Variants in FREM2 observed in about 807,000 individuals in gnomAD.
FREM2 encodes FRAS1-related extracellular matrix protein 2.
Under a neutral mutation model 219.9 loss-of-function variants are expected in FREM2, and 119 were observed. The observed-to-expected ratio is 0.54, with a 90% CI of 0.47 to 0.63. The LOEUF (loss-of-function observed/expected upper bound fraction) is 0.63. FREM2 is among the 30% of genes least tolerant of loss of function. The pLI, the probability that FREM2 is intolerant of heterozygous loss-of-function variation, is 0.00. For missense variants in FREM2, 4,030 were observed against 3,993.6 expected (o/e 1.01, Z -0.25); for synonymous variants, 1,562 against 1,522.8 (o/e 1.03, Z -0.60).
At position 38,848,618 on chromosome 13, in the gene FREM2, C is replaced by A. The variant is rs528612488; in HGVS notation, c.6327C>A (p.Ala2109=). The change falls in exon 8 of 24, where the codon GCC becomes GCA. Residue 2109 remains alanine, a synonymous_variant. Transcript: ENST00000280481. ...ELVLRMPMNA[A]LGEPSKATVS... is the part of the protein sequence containing the mutation. ...TGCTTCGCATGCCTATGAACGCAGC[C>A]CTTGGCGAGCCCAGCAAAGCCACAG... The A allele has an allele frequency of 1.2e-6, 2 of 1,613,988 alleles. No individual in the cohort carries two copies. The highest frequency in any genetic ancestry group is 1.7e-5 in the Admixed American group (1 of 60,002).
chr13:38,757,528 C>G (rs1410435568), intron 2 of FREM2, among the ~76,000 whole-genome samples: 1 of 152,040 alleles, frequency 6.6e-6, no homozygotes, highest in Non-Finnish European at 1.5e-5. Context: ...AGTGGAAACC[C>G]ATGTGTGTCG....
chr13:38,852,621 A>T (rs1353560913), intron 11 of FREM2, among the ~76,000 whole-genome samples: 2 of 152,128 alleles, frequency 1.3e-5, no homozygotes, highest in African/African-American at 4.8e-5. Context: ...AACCACAGAG[A>T]CAATGAATTC....
intron 6 of FREM2, among the ~76,000 whole-genome samples, chr13:38,840,738 A>T (rs1387232157): frequency 6.6e-6 from 1 of 151,548 alleles, no homozygotes; most frequent in Non-Finnish European, 1.5e-5. Flanking sequence ...ATATACACAC[A>T]CACACACATA....
chr13:38,733,304 G>A (rs945964080), intron 2 of FREM2, among the ~76,000 whole-genome samples: 4 of 79,216 alleles, frequency 5.0e-5, no homozygotes, highest in Non-Finnish European at 1.0e-4. Flanking sequence ...TGTTGACTTC[G>A]GAGCCAGTGG....
intron 2 of FREM2, among the ~76,000 whole-genome samples, chr13:38,746,031 A>T (rs1200729905): frequency 6.6e-6 from 1 of 152,132 alleles, no homozygotes; most frequent in Non-Finnish European, 1.5e-5. Context: ...GTATTATATA[A>T]ATTAGGGAAT....
intron 2 of FREM2, among the ~76,000 whole-genome samples, chr13:38,751,896 G>GTGTGTGTGTT (rs1555265076): frequency 5.0e-5 from 5 of 100,150 alleles, no homozygotes; most frequent in African/African-American, 9.3e-5. Context: ...GTGTGTGTGT[G>GTGTGTGTGTT]TTTTCCTTTT....
At chr13:38,856,914 C>CT (rs909619309) in intron 12 of FREM2, among the ~76,000 whole-genome samples, 30 of 151,866 alleles carry the variant, frequency 2.0e-4, no homozygotes, top group Middle Eastern at 6.8e-3. Flanking sequence ...TACTGTATTA[C>CT]TTTTTTTTAT....
chr13:38,850,931 A>G lies in FREM2; in HGVS notation c.6578-13A>G, dbSNP rs1414264907. On this transcript the variant is annotated splice_polypyrimidine_tract_variant and intron_variant, in intron 9 of 23. Transcript: ENST00000280481. ...TATGGGATGTGATTGACCTGCTGACATTATTGTTCCAGGTGAGACAGAAAA... is the reference window on the plus strand; with the variant it reads ...TATGGGATGTGATTGACCTGCTGACGTTATTGTTCCAGGTGAGACAGAAAA... 6 of 1,610,170 alleles carry G rather than the reference A, an allele frequency of 3.7e-6. No individual in the cohort carries two copies. Among genetic ancestry groups the G allele is most frequent in the African/African-American group, 1.3e-5 (1 of 74,870 alleles).
Position 38,764,305 on chromosome 13 carries a change from T to A in FREM2, c.5265T>A (p.Gly1755=). The A allele has an allele frequency of 6.2e-7, 1 of 1,610,218 alleles. No individual in the cohort carries two copies. The highest frequency in any genetic ancestry group is 8.5e-7 in the Non-Finnish European group (1 of 1,176,724). ...DMFYFAVEDG[G]GNKLTYQNFR... The stretch of plus-strand genomic sequence containing the variant: ...TGGCTTTAAATTTTTATTTTCAAGG[T>A]GGAAACAAGTTAACGTACCAGAATT... Residue 1755 remains glycine, a splice_region_variant and synonymous_variant, in exon 3 of 24, where the codon GGT becomes GGA. Transcript: ENST00000280481.
chr13:38,687,531 G>A lies in FREM2; in HGVS notation c.187G>A (p.Ala63Thr). The change falls in exon 1 of 24, where the codon GCT (alanine) becomes ACT (threonine). Residue 63 changes from alanine (A) to threonine (T), a missense_variant. This residue lies in a region of FREM2 where 3,102 missense variants were observed against 2,950.7 expected (regional missense o/e 1.05). Coordinates refer to ENST00000280481, the MANE Select transcript of FREM2 (RefSeq NM_207361.6). ...GTTGCTGTCCCCTGGTCTCGCGGGGGCTGCAGGGGTCCCTGCTGAGGAGGC... is the reference window on the plus strand; with the variant it reads ...GTTGCTGTCCCCTGGTCTCGCGGGGACTGCAGGGGTCCCTGCTGAGGAGGC... The part of the protein sequence containing the change: ...RALLSPGLAG[A>T]AGVPAEEAIV... The A allele has an allele frequency of 1.3e-6, 2 of 1,599,426 alleles. No homozygotes were observed. Among genetic ancestry groups the A allele is most frequent in the East Asian group, 2.2e-5 (1 of 44,486 alleles).
intron 6 of FREM2, among the ~76,000 whole-genome samples, chr13:38,801,413 T>C (rs1875001745): frequency 6.6e-6 from 1 of 152,210 alleles, no homozygotes; most frequent in South Asian, 2.1e-4. Flanking sequence ...TTTTTCATGT[T>C]TCCTGTGTCC....
At chr13:38,851,272 A>G (rs1277590539) in intron 10 of FREM2, among the ~76,000 whole-genome samples, 164 bp downstream of exon 10, 2 of 152,200 alleles carry the variant, frequency 1.3e-5, no homozygotes, top group Non-Finnish European at 2.9e-5. Context: ...GGGGAACAAA[A>G]TAAACCATTA....
At chr13:38,873,023 T>A in intron 17 of FREM2, 89 bp downstream of exon 17, 1 of 978,466 alleles carries the variant, frequency 1.0e-6, no homozygotes, top group Non-Finnish European at 1.6e-6. Flanking sequence ...CTAAAAGTAG[T>A]ACTAGCAAAT....
chr13:38,751,368 G>C (rs1460505875), intron 2 of FREM2, among the ~76,000 whole-genome samples: 1 of 152,004 alleles, frequency 6.6e-6, no homozygotes, highest in African/African-American at 2.4e-5. Context: ...TATGCCCCAA[G>C]TTTCCTTTGT....
intron 2 of FREM2, among the ~76,000 whole-genome samples, chr13:38,701,967 C>G (rs77133007): frequency 6.6e-6 from 1 of 152,006 alleles, no homozygotes; most frequent in South Asian, 2.1e-4. Flanking sequence ...AAATACTTAC[C>G]GAACATTAAA....
chr13:38,876,413 T>C (rs1320528566), intron 20 of FREM2, 31 bp downstream of exon 20: 1 of 1,596,010 alleles, frequency 6.3e-7, no homozygotes, highest in Non-Finnish European at 8.6e-7. Flanking sequence ...ATCTTATGAC[T>C]TGCAGAATCC....
intron 16 of FREM2, among the ~76,000 whole-genome samples, chr13:38,868,616 T>C (rs1878054155): frequency 6.6e-6 from 1 of 152,208 alleles, no homozygotes; most frequent in South Asian, 2.1e-4. Context: ...CCTGACAGCA[T>C]TCATGAAAAT....
At position 38,880,458 on chromosome 13, in the gene FREM2, C is replaced by A. The variant is rs990503953; in HGVS notation, c.9181C>A (p.Leu3061Met). ...GAGAGAGATCAGGAGCACACCCTCA[C>A]TGGCATGGGAGATTGGTGCTGAAAA... ...KKREIRSTPS[L>M]AWEIGAENSR... The change falls in exon 24 of 24, where the codon CTG becomes ATG. Residue 3061 changes from leucine to methionine, a missense_variant. Physicochemically the swap from Leu to Met is conservative, Grantham distance 15 (BLOSUM62 2). Transcript: ENST00000280481. The A allele has an allele frequency of 3.0e-5, 48 of 1,613,992 alleles. No individual in the cohort carries two copies. Among genetic ancestry groups the A allele is most frequent in the Non-Finnish European group, 3.6e-5 (43 of 1,180,012 alleles).
intron 2 of FREM2, among the ~76,000 whole-genome samples, chr13:38,705,238 A>G (rs1870492280): frequency 6.6e-6 from 1 of 152,162 alleles, no homozygotes. Context: ...TTGGATCCAA[A>G]TCTGTAAGAC....
Sources: allele counts gnomAD v4.1 joint callset (sites outside exome capture counted in the v4.1 genomes callset), GRCh38; gene constraint gnomAD v4.1.1; regional missense constraint gnomAD v4.1.1; transcripts MANE v1.5; gene names NCBI Gene and HGNC (gene_info 2026-07-23, HGNC 2026-07-21).